The following SLC39A14 variants were observed in gnomAD, a reference collection of about 807,000 sequenced individuals.
SLC39A14 encodes the protein metal cation symporter ZIP14.
In SLC39A14, 19 loss-of-function variants were observed where a neutral mutation model predicts 45.5. That is an observed-to-expected ratio of 0.42 (90% CI 0.29 to 0.61). SLC39A14 has a LOEUF of 0.61. Ranked by LOEUF, SLC39A14 falls within the 20% of genes least tolerant of loss-of-function variation. The probability of loss-of-function intolerance (pLI) is 0.22; values close to 1 mark genes in which losing one functional copy is unlikely to be tolerated. For missense variants in SLC39A14, 447 were observed against 616.5 expected, an observed-to-expected ratio of 0.73 and a Z score of 2.91; for synonymous variants, 264 against 251.3, an observed-to-expected ratio of 1.05 and a Z score of -0.48.
At chr8:22,385,588 A>AG (rs1304986641) in intron 1 of SLC39A14, among the ~76,000 whole-genome samples, 1 of 152,210 alleles carries the variant, frequency 6.6e-6, no homozygotes, top group Non-Finnish European at 1.5e-5. Context: ...AGGGATGGGA[A>AG]GAAGGGCCTG....
intron 1 of SLC39A14, among the ~76,000 whole-genome samples, chr8:22,379,927 C>CAA (rs35093772): frequency 9.1e-5 from 8 of 87,926 alleles, no homozygotes; most frequent in African/African-American, 2.0e-4. Flanking sequence ...GACTCCATCT[C>CAA]AAAAAAAAAA....
At chr8:22,430,992 T>A (rs1032659526) in intron 8 of SLC39A14, among the ~76,000 whole-genome samples, 5 of 61,080 alleles carry the variant, frequency 8.2e-5, no homozygotes, top group Non-Finnish European at 1.7e-4. Flanking sequence ...CAATTCCCTC[T>A]TTTTTTTTTT....
chr8:22,407,889 T>C (rs1835320839), intron 2 of SLC39A14, among the ~76,000 whole-genome samples: 1 of 151,658 alleles, frequency 6.6e-6, no homozygotes, highest in Non-Finnish European at 1.5e-5. Context: ...TTTTCAACTT[T>C]TTGTAAAGAA....
At chr8:22,392,344 C>T (rs962212664) in intron 1 of SLC39A14, among the ~76,000 whole-genome samples, 3 of 152,162 alleles carry the variant, frequency 2.0e-5, no homozygotes, top group Non-Finnish European at 2.9e-5. Flanking sequence ...GTGCCGGACA[C>T]GCTTGGGAAG....
At chr8:22,425,235 A>G (rs10113731), downstream of SLC39A14, among the ~76,000 whole-genome samples, 51,240 of 151,908 alleles carry the variant, frequency 0.34, 9,463 homozygotes, top group East Asian at 0.6. Context: ...AACAGAGCTA[A>G]GCAAAGTAAA....
chr8:22,370,361 T>G (rs1402728133), intron 1 of SLC39A14, among the ~76,000 whole-genome samples: 1 of 152,234 alleles, frequency 6.6e-6, no homozygotes, highest in Non-Finnish European at 1.5e-5. Context: ...GAATAGATTG[T>G]GCGTGCCTGG....
At chr8:22,424,139 TAGA>T (rs1836342534), downstream of SLC39A14, among the ~76,000 whole-genome samples, 2 of 152,286 alleles carry the variant, frequency 1.3e-5, no homozygotes, top group South Asian at 2.1e-4. Flanking sequence ...TGTTGCATGA[TAGA>T]AGAATTGTGG....
intron 1 of SLC39A14, among the ~76,000 whole-genome samples, chr8:22,379,732 C>G (rs1343087978): frequency 6.6e-6 from 1 of 151,952 alleles, no homozygotes; most frequent in East Asian, 1.9e-4. Context: ...AGATCGAGAC[C>G]ATCCCGGCCA....
At chr8:22,419,155 A>G (rs1010716092) in intron 8 of SLC39A14, among the ~76,000 whole-genome samples, 15 of 152,140 alleles carry the variant, frequency 9.9e-5, no homozygotes, top group African/African-American at 3.4e-4. Flanking sequence ...TTGTAAAGAC[A>G]TGGTACCTGC....
chr8:22,404,569 C>T, intron 1 of SLC39A14, 127 bp from the exon 2 acceptor site: 1 of 811,856 alleles, frequency 1.2e-6, no homozygotes, highest in South Asian at 1.9e-5. Context: ...AAGGCTAATT[C>T]AAGAAGGAGC....
In SLC39A14 at chr8:22,384,423, C is replaced by T. The variant is rs80295388; in HGVS notation, c.-16+17015C>T. Reference sequence around the variant, plus strand: ...TCCCACTGCCTGCCTTTGTGTCCCCCACCCCACCTCACTTTATGTTTTAAA... The same window carrying T: ...TCCCACTGCCTGCCTTTGTGTCCCCTACCCCACCTCACTTTATGTTTTAAA... On this transcript the variant is annotated intron_variant, in intron 1 of 8. Transcript: ENST00000381237. Among the ~76,000 whole-genome samples the T allele has an allele frequency of 9.5e-3, 1,449 of 151,858 alleles. 25 individuals are homozygous for T. Among genetic ancestry groups the T allele is most frequent in the African/African-American group, 0.033 (1,354 of 41,402 alleles).
chr8:22,396,131 C>G (rs543539146), intron 1 of SLC39A14, among the ~76,000 whole-genome samples: 1 of 152,050 alleles, frequency 6.6e-6, no homozygotes, highest in East Asian at 1.9e-4. Context: ...CTTTGGGAGA[C>G]CGAGACAGGT....
intron 1 of SLC39A14, among the ~76,000 whole-genome samples, chr8:22,396,536 GGGGGA>G (rs1563534390): frequency 2.8e-3 from 1 of 356 alleles, no homozygotes; most frequent in African/African-American, 0.02. Flanking sequence ...AGAGAGAGGG[GGGGGA>G]GAGAGAGAGA....
intron 8 of SLC39A14, chr8:22,433,849 C>T: frequency 3.3e-6 from 1 of 299,374 alleles, no homozygotes; most frequent in Admixed American, 4.1e-5. Flanking sequence ...GCGTGAGCCA[C>T]TGCACTCGGC....
chr8:22,373,986 G>A (rs542712011), intron 1 of SLC39A14, among the ~76,000 whole-genome samples: 7 of 152,266 alleles, frequency 4.6e-5, no homozygotes, highest in South Asian at 4.1e-4. Flanking sequence ...TCTCGAACTC[G>A]AGCTCAAGTG....
intron 3 of SLC39A14, chr8:22,410,200 A>G (rs1290825160): frequency 3.2e-5 from 45 of 1,425,270 alleles, no homozygotes; most frequent in Admixed American, 1.4e-4. Flanking sequence ...CCTGGGCTCC[A>G]AGGCACCCAA....
chr8:22,415,084 C>T, intron 5 of SLC39A14, 182 bp downstream of exon 5: 1 of 671,450 alleles, frequency 1.5e-6, no homozygotes, highest in South Asian at 2.1e-5. Flanking sequence ...AGAAGTGAGG[C>T]CAGACCAGAA....
chr8:22,412,613 G>GCACAACTAA (rs1835641336), intron 4 of SLC39A14, among the ~76,000 whole-genome samples: 2 of 152,094 alleles, frequency 1.3e-5, no homozygotes, highest in African/African-American at 4.8e-5. Context: ...GCTTAGTTGT[G>GCACAACTAA]GTGCTCAGAT....
chr8:22,426,172 G>A (rs1410456039), downstream of SLC39A14, among the ~76,000 whole-genome samples: 2 of 151,564 alleles, frequency 1.3e-5, no homozygotes, highest in Admixed American at 6.6e-5. Context: ...GATTACAGGC[G>A]TGAGCCACCG....
Sources: gnomAD v4.1 joint callset for allele counts (sites outside exome capture counted in the v4.1 genomes callset) on GRCh38, gnomAD v4.1.1 for gene constraint, MANE v1.5 for transcripts, NCBI Gene and HGNC (gene_info 2026-07-23, HGNC 2026-07-21) for gene names.